Variants in EEIG2 observed in about 807,000 individuals in gnomAD.
The protein encoded by EEIG2 is EEIG family member 2.
At chr1:108,638,516 T>A in the EEIG2 span, 3 of 152,216 alleles carry the variant, frequency 2.0e-5, no homozygotes, top group Non-Finnish European at 4.4e-5. Flanking sequence ...GCTTCCAGTA[T>A]ATATAGCAAC....
At chr1:108,569,084 T>C in the EEIG2 span, among the ~76,000 whole-genome samples, 26 of 152,176 alleles carry the variant, frequency 1.7e-4, no homozygotes, top group Non-Finnish European at 3.8e-4. Context: ...TTTGAAAAAT[T>C]GTGCCATAAA....
At chr1:108,625,558 G>A in the EEIG2 span, 1 of 152,050 alleles carries the variant, frequency 6.6e-6, no homozygotes, top group African/African-American at 2.4e-5. Context: ...TGGATCTTTT[G>A]GGAACTTGTA....
the EEIG2 span, among the ~76,000 whole-genome samples, chr1:108,562,315 G>T: frequency 6.6e-6 from 1 of 152,124 alleles, no homozygotes; most frequent in East Asian, 1.9e-4. Context: ...TGAGCAAGGG[G>T]TATACTCCGC....
chr1:108,630,321 A>G, the EEIG2 span, among the ~76,000 whole-genome samples: 24 of 152,214 alleles, frequency 1.6e-4, no homozygotes, highest in Non-Finnish European at 2.9e-4. Flanking sequence ...AAACTATCGC[A>G]AGGACAAAAA....
the EEIG2 span, among the ~76,000 whole-genome samples, chr1:108,621,361 T>C: frequency 2.0e-5 from 3 of 152,302 alleles, no homozygotes; most frequent in East Asian, 5.8e-4. Flanking sequence ...AGCTAAGATT[T>C]TGGATTCTAA....
At chr1:108,587,765 G>A in the EEIG2 span, among the ~76,000 whole-genome samples, 281 of 152,092 alleles carry the variant, frequency 1.8e-3, no homozygotes, top group Middle Eastern at 0.02. Context: ...TGAAATTTTC[G>A]GTATGAAGTC....
chr1:108,627,363 A>G, the EEIG2 span: 1 of 152,246 alleles, frequency 6.6e-6, no homozygotes, highest in Non-Finnish European at 1.5e-5. Flanking sequence ...AGCTGCTATA[A>G]TAGCTATGTT....
chr1:108,573,561 C>T, the EEIG2 span, among the ~76,000 whole-genome samples: 1,460 of 152,132 alleles, frequency 9.6e-3, 22 homozygotes, highest in African/African-American at 0.033. Flanking sequence ...TTTGTATTTA[C>T]AATGTATTAG....
the EEIG2 span, among the ~76,000 whole-genome samples, chr1:108,599,288 C>T: frequency 1.1e-4 from 17 of 152,222 alleles, no homozygotes; most frequent in African/African-American, 4.1e-4. Flanking sequence ...TGTCTCTAAG[C>T]CTTTATCTAA....
chr1:108,573,309 C>T, the EEIG2 span, among the ~76,000 whole-genome samples: 1 of 152,218 alleles, frequency 6.6e-6, no homozygotes, highest in Admixed American at 6.5e-5. Flanking sequence ...TTCAAGATTC[C>T]TGCCGATTCA....
the EEIG2 span, chr1:108,624,599 C>CT: frequency 1.0e-5 from 16 of 1,561,756 alleles, no homozygotes; most frequent in Non-Finnish European, 1.4e-5. Context: ...CTATTGTAAA[C>CT]TTTGAGGCTC....
chr1:108,634,653 A>G, the EEIG2 span, among the ~76,000 whole-genome samples: 2 of 152,192 alleles, frequency 1.3e-5, no homozygotes, highest in Non-Finnish European at 2.9e-5. Flanking sequence ...CAGTCATGCC[A>G]CTGCACTTCC....
the EEIG2 span, among the ~76,000 whole-genome samples, chr1:108,572,216 T>A: frequency 3.7e-3 from 563 of 152,314 alleles, 5 homozygotes; most frequent in African/African-American, 0.012. Flanking sequence ...ATTCTTCACA[T>A]CTCTAATTCC....
At chr1:108,630,116 C>T in the EEIG2 span, among the ~76,000 whole-genome samples, 1 of 152,144 alleles carries the variant, frequency 6.6e-6, no homozygotes, top group Non-Finnish European at 1.5e-5. Flanking sequence ...GCAGCTGGGA[C>T]CATAGGCATG....
the EEIG2 span, among the ~76,000 whole-genome samples, chr1:108,562,155 T>C: frequency 6.6e-6 from 1 of 152,228 alleles, no homozygotes; most frequent in South Asian, 2.1e-4. Flanking sequence ...AAAGCATAAC[T>C]AACTTTCCTA....
At chr1:108,593,381 T>C in the EEIG2 span, among the ~76,000 whole-genome samples, 7 of 152,226 alleles carry the variant, frequency 4.6e-5, no homozygotes, top group Non-Finnish European at 1.0e-4. Flanking sequence ...ATGTTTCAAC[T>C]GTCCCTCTCT....
the EEIG2 span, chr1:108,625,202 G>C: frequency 6.5e-6 from 1 of 154,404 alleles, no homozygotes; most frequent in South Asian, 2.0e-4. Context: ...CGATTCAGTA[G>C]ATCTGGGTTA....
the EEIG2 span, among the ~76,000 whole-genome samples, chr1:108,582,218 C>T: frequency 2.6e-5 from 4 of 152,126 alleles, no homozygotes; most frequent in African/African-American, 9.7e-5. Flanking sequence ...CTTCTTTATG[C>T]ACTGGGAAAC....
the EEIG2 span, among the ~76,000 whole-genome samples, chr1:108,631,663 A>G: frequency 1.3e-5 from 2 of 152,214 alleles, no homozygotes; most frequent in East Asian, 3.8e-4. Context: ...CATAATAAAC[A>G]TATAGCAATT....
Sources: gnomAD v4.1 joint callset for allele counts (sites outside exome capture counted in the v4.1 genomes callset) on GRCh38, gnomAD v4.1.1 for gene constraint, MANE v1.5 for transcripts, NCBI Gene and HGNC (gene_info 2026-07-23, HGNC 2026-07-21) for gene names.